CDYL: variants seen among roughly 807,000 people sequenced by gnomAD.
CDYL encodes chromodomain Y-like protein.
CDYL carries 8 observed loss-of-function variants against 47.3 expected under a neutral mutation model. The ratio of observed to expected loss-of-function variants is 0.17; its 90% CI spans 0.10 to 0.31. The LOEUF is 0.31. Among genes scored for constraint, CDYL ranks in the 10% least tolerant of loss-of-function variants. CDYL has a pLI of 1.00. For missense variants in CDYL, 471 were observed against 701.4 expected, an observed-to-expected ratio of 0.67 and a Z score of 3.71; for synonymous variants, 266 against 265.0, an observed-to-expected ratio of 1.00 and a Z score of -0.04.
At chr6:4,852,220 G>A (rs775114658) in intron 1 of CDYL, among the ~76,000 whole-genome samples, 1 of 152,144 alleles carries the variant, frequency 6.6e-6, no homozygotes. Context: ...TAGTCCTGTC[G>A]TTCCTTCTGT....
chr6:4,937,819 A>G, intron 4 of CDYL, 82 bp downstream of exon 4: 4 of 1,064,358 alleles, frequency 3.8e-6, no homozygotes, highest in Non-Finnish European at 5.5e-6. Context: ...GGCCTGACCA[A>G]GCCTTGAGAA....
At chr6:4,760,018 C>T (rs1484432550) in intron 3 of CDYL, among the ~76,000 whole-genome samples, 1 of 149,934 alleles carries the variant, frequency 6.7e-6, no homozygotes, top group Admixed American at 6.7e-5. Context: ...AGATTAGTTT[C>T]ATTTTACCCC....
rs1325456305 is a variant in CDYL at position 4,937,714 on chromosome 6, C to T, written c.1098C>T (p.Ser366=). 1.2e-6 allele frequency: 2 copies of T among 1,607,016 alleles called. No homozygotes were observed. The highest frequency in any genetic ancestry group is 3.5e-5 in the Admixed American group (2 of 57,770). The part of the protein sequence containing the change: ...RRLTDDRKRE[S]TKMAEAIRNF... ...TGACAGATGACAGGAAAAGAGAAAGCACTAAAATGGCAGAAGCTATCAGGT... is the reference window on the plus strand; with the variant it reads ...TGACAGATGACAGGAAAAGAGAAAGTACTAAAATGGCAGAAGCTATCAGGT... Residue 366 remains serine (S), a synonymous_variant, in exon 4 of 7, where the codon AGC becomes AGT. Transcript: ENST00000397588.
At chr6:4,723,212 A>G (rs1757405149) in intron 2 of CDYL, among the ~76,000 whole-genome samples, 1 of 152,202 alleles carries the variant, frequency 6.6e-6, no homozygotes, top group South Asian at 2.1e-4. Flanking sequence ...GGCAGTAGAT[A>G]TTAAGAAATT....
At chr6:4,761,774 C>A (rs1243085438) in intron 3 of CDYL, among the ~76,000 whole-genome samples, 2 of 152,212 alleles carry the variant, frequency 1.3e-5, no homozygotes, top group East Asian at 3.8e-4. Context: ...AACCTGTTTC[C>A]TCTCTGTAAG....
chr6:4,823,088 T>C (rs908404699), intron 1 of CDYL, among the ~76,000 whole-genome samples: 2 of 152,218 alleles, frequency 1.3e-5, no homozygotes, highest in Non-Finnish European at 2.9e-5. Context: ...GCAGCTTTTC[T>C]TAACAAATTG....
chr6:4,891,906 G>A lies in CDYL; in HGVS notation c.218G>A (p.Arg73Lys), dbSNP rs1170021646. The change falls in exon 2 of 7, where the codon AGG becomes AAG. Residue 73 changes from arginine to lysine, a missense_variant. Physicochemically the swap from Arg to Lys is conservative, Grantham distance 26. This residue lies in a region of CDYL where 311 missense variants were observed against 350.0 expected (regional missense o/e 0.89). Coordinates refer to ENST00000397588, the MANE Select transcript of CDYL (RefSeq NM_004824.4). ...GAGAGCACATTGACCAGAACAAACA[G>A]GACCTCTCCCAACAATGCTAGGAAA... Reference protein sequence around the residue: ...QKESTLTRTNRTSPNNARKQI... With the variant: ...QKESTLTRTNKTSPNNARKQI... The A allele has an allele frequency of 7.4e-6, 12 of 1,613,942 alleles. No homozygotes were observed. The highest frequency in any genetic ancestry group is 1.0e-5 in the Non-Finnish European group (12 of 1,180,028).
intron 1 of CDYL, among the ~76,000 whole-genome samples, chr6:4,827,176 A>G (rs1480191231): frequency 6.6e-6 from 1 of 151,882 alleles, no homozygotes; most frequent in Non-Finnish European, 1.5e-5. Flanking sequence ...TTCCCTTTCA[A>G]CCTTTTTGTT....
At chr6:4,936,187 C>T (rs1245436921) in intron 3 of CDYL, among the ~76,000 whole-genome samples, 4 of 152,152 alleles carry the variant, frequency 2.6e-5, no homozygotes, top group South Asian at 2.1e-4. Flanking sequence ...TAAGTGCCCC[C>T]GGGGATCCCA....
chr6:4,953,277 G>T (rs975108066), intron 6 of CDYL, among the ~76,000 whole-genome samples: 1 of 151,610 alleles, frequency 6.6e-6, no homozygotes, highest in African/African-American at 2.4e-5. Context: ...CCAACTACTC[G>T]AGAGGCTGAG....
At chr6:4,952,445 A>C in intron 6 of CDYL, 36 bp downstream of exon 6, 3 of 1,576,680 alleles carry the variant, frequency 1.9e-6, no homozygotes, top group Non-Finnish European at 2.6e-6. Flanking sequence ...GTTACTTTTT[A>C]AAAAATAGAA....
intron 1 of CDYL, among the ~76,000 whole-genome samples, chr6:4,781,185 A>T (rs144635302): frequency 3.9e-5 from 6 of 152,336 alleles, no homozygotes; most frequent in Non-Finnish European, 8.8e-5. Flanking sequence ...TGACAGGATG[A>T]TCAGGATTTG....
chr6:4,845,049 A>G lies in CDYL; in HGVS notation c.25-46664A>G, dbSNP rs935055696. ...TCTTTCTACAATTTGAGATACTCCAAAGTGCACTTACTGAATTTCAAAATT... is the reference window on the plus strand; with the variant it reads ...TCTTTCTACAATTTGAGATACTCCAGAGTGCACTTACTGAATTTCAAAATT... On this transcript the variant is annotated intron_variant, in intron 1 of 6. Coordinates refer to ENST00000397588, the MANE Select transcript of CDYL (RefSeq NM_004824.4). Among the ~76,000 whole-genome samples, 5 of 152,212 alleles carry G rather than the reference A, an allele frequency of 3.3e-5. 1 individual carries two copies. Among genetic ancestry groups the G allele is most frequent in the Non-Finnish European group, 7.3e-5 (5 of 68,034 alleles).
At chr6:4,725,462 C>G (rs1055710340) in intron 2 of CDYL, among the ~76,000 whole-genome samples, 1 of 152,226 alleles carries the variant, frequency 6.6e-6, no homozygotes, top group Admixed American at 6.5e-5. Context: ...CTGCAGGTCC[C>G]GAGCCCTGCC....
At chr6:4,756,545 GTGTAGTAAT>G (rs1211541204) in intron 3 of CDYL, among the ~76,000 whole-genome samples, 4 of 151,282 alleles carry the variant, frequency 2.6e-5, no homozygotes, top group African/African-American at 9.8e-5. Flanking sequence ...ATGTTGCCCT[GTGTAGTAAT>G]TGTAGTAATT....
At chr6:4,715,391 G>A (rs1278218147) in intron 1 of CDYL, among the ~76,000 whole-genome samples, 1 of 152,204 alleles carries the variant, frequency 6.6e-6, no homozygotes, top group Non-Finnish European at 1.5e-5. Context: ...GACTGCAAAT[G>A]ATAGCCTTCC....
chr6:4,708,145 TACACACACACACACAC>T (rs66538207), intron 1 of CDYL, among the ~76,000 whole-genome samples: 79 of 149,604 alleles, frequency 5.3e-4, no homozygotes, highest in African/African-American at 1.9e-3. Flanking sequence ...TTGTGTTGTG[TACACACACACACACAC>T]ACACACACAC....
intron 1 of CDYL, among the ~76,000 whole-genome samples, chr6:4,797,525 C>T (rs1335674349): frequency 6.6e-5 from 10 of 151,878 alleles, no homozygotes; most frequent in African/African-American, 2.4e-4. Context: ...GTTGTACAGC[C>T]GCCGCCACCA....
intron 2 of CDYL, among the ~76,000 whole-genome samples, chr6:4,897,790 G>GTTTT (rs375666284): frequency 1.4e-5 from 2 of 140,258 alleles, no homozygotes; most frequent in Admixed American, 6.9e-5. Context: ...GAAGGTTTTT[G>GTTTT]TTTTTTTTTT....
Sources: allele counts gnomAD v4.1 joint callset (sites outside exome capture counted in the v4.1 genomes callset), GRCh38; gene constraint gnomAD v4.1.1; regional missense constraint gnomAD v4.1.1; transcripts MANE v1.5; gene names NCBI Gene and HGNC (gene_info 2026-07-23, HGNC 2026-07-21).